Variants in TRAF7 observed in about 807,000 individuals in gnomAD.
TRAF7 encodes TNF receptor associated factor 7, also known as E3 ubiquitin-protein ligase TRAF7.
Under a neutral mutation model 89.3 loss-of-function variants are expected in TRAF7, and 45 were observed. The ratio of observed to expected loss-of-function variants is 0.50; its 90% confidence interval spans 0.40 to 0.65. TRAF7 has a LOEUF of 0.65. Among genes scored for constraint, TRAF7 ranks in the 30% least tolerant of loss-of-function variants. The probability of loss-of-function intolerance (pLI) is 0.00; values close to 1 mark genes in which losing one functional copy is unlikely to be tolerated. For synonymous variants in TRAF7, 406 were observed against 369.2 expected (o/e 1.10, Z -1.14); for missense variants, 677 against 918.1 (o/e 0.74, Z 3.39).
chr16:2,164,139 GGTGTGTGTGTGTGT>G (rs376580813), intron 2 of TRAF7, 138 bp downstream of exon 2: 2 of 542,296 alleles, frequency 3.7e-6, no homozygotes, highest in Non-Finnish European at 6.3e-6. Flanking sequence ...GGGGGGGTGT[GGTGTGTGTGTGTGT>G]GTGTGTGCGC....
At chr16:2,156,770 G>A (rs953798338) in intron 1 of TRAF7, among the ~76,000 whole-genome samples, 2 of 152,166 alleles carry the variant, frequency 1.3e-5, no homozygotes, top group Non-Finnish European at 2.9e-5. Flanking sequence ...AAATGACTTG[G>A]GGTTGAGGAA....
rs1567246878 is a variant in TRAF7 at position 2,163,937 on chromosome 16, G to C, written c.17G>C (p.Ser6Thr). The change falls in exon 2 of 21, where the codon AGT becomes ACT. Residue 6 changes from serine to threonine, a missense_variant. By Grantham distance (58) the Ser-to-Thr change is moderately conservative. Coordinates refer to ENST00000326181, the MANE Select transcript of TRAF7 (RefSeq NM_032271.3). This position sits in a 1 kb window ranked among gnomAD's most constrained non-coding sequence, Gnocchi z 4.3. ...CTCTAGAGCATGAGCTCAGGCAAGA[G>C]TGCCCGCTACAACCGCTTCTCCGGG... MSSGKSARYNRFSGGP... is the reference protein window; with the variant it reads MSSGKTARYNRFSGGP... 2 of 1,612,676 alleles carry C rather than the reference G, an allele frequency of 1.2e-6. No individual in the cohort carries two copies. The highest frequency in any genetic ancestry group is 1.7e-5 in the Admixed American group (1 of 59,930).
chr16:2,163,682 T>C lies in TRAF7; in HGVS notation c.-38-201T>C, dbSNP rs1394138723. The C allele has an allele frequency of 2.1e-5, 12 of 566,386 alleles. No homozygotes were observed. Among genetic ancestry groups the C allele is most frequent in the Non-Finnish European group, 3.2e-6 (1 of 315,624 alleles). The allele number at this position is 566,386 out of a possible 1,614,324, so 35.1% of individuals were successfully genotyped here. On this transcript the variant is annotated intron_variant, in intron 1 of 20. Transcript: ENST00000326181. This position sits in a 1 kb window ranked among gnomAD's most constrained non-coding sequence, Gnocchi z 4.3. ...GGACGGTGACGCAGAGCCGCCTGCC[T>C]GCCCGGGCCTCTGCATACCTGGGAT... is the stretch of plus-strand genomic sequence containing the variant.
At chr16:2,175,029 G>T in intron 14 of TRAF7, 82 bp from the exon 15 acceptor site, 3 of 1,566,540 alleles carry the variant, frequency 1.9e-6, no homozygotes, top group Non-Finnish European at 2.6e-6. Flanking sequence ...CTGATGGCTG[G>T]CATGGACCTC....
chr16:2,163,628 T>C lies in TRAF7; in HGVS notation c.-38-255T>C, dbSNP rs1252106618. 1 of 452,524 alleles carries C rather than the reference T, an allele frequency of 2.2e-6. No homozygotes were observed. Among genetic ancestry groups the C allele is most frequent in the Non-Finnish European group, 4.1e-6 (1 of 245,280 alleles). The allele number at this position is 452,524 out of a possible 1,614,324, so 28.0% of individuals were successfully genotyped here. A position where few individuals can be genotyped will look rare whatever the true frequency, so the allele number is the denominator to read the frequency against. On this transcript the variant is annotated intron_variant, in intron 1 of 20. Coordinates refer to ENST00000326181, the MANE Select transcript of TRAF7 (RefSeq NM_032271.3). This position sits in a 1 kb window ranked among gnomAD's most constrained non-coding sequence, Gnocchi z 4.3. ...CTCGGGGAAGAGCTGGATGGGCTCT[T>C]CGGGAGCTCAGAAAGGCTAAGCCTT... is the stretch of plus-strand genomic sequence containing the variant.
chr16:2,172,523 C>A lies in TRAF7; in HGVS notation c.718C>A (p.Pro240Thr). The A allele has an allele frequency of 6.3e-7, 1 of 1,595,240 alleles. No individual in the cohort carries two copies. Among genetic ancestry groups the A allele is most frequent in the Non-Finnish European group, 8.5e-7 (1 of 1,171,672 alleles). ...PVRCPNNPSC[P>T]PLLRMNLEAH... ...GCGGTGTCCCAACAACCCCAGCTGCCCCCCGCTGCTCAGGATGAACCTGGA... is the reference window on the plus strand; with the variant it reads ...GCGGTGTCCCAACAACCCCAGCTGCACCCCGCTGCTCAGGATGAACCTGGA... Residue 240 changes from proline to threonine, a missense_variant, in exon 9 of 21, where the codon CCC becomes ACC. Pro to Thr is a conservative substitution (Grantham distance 38, BLOSUM62 -1). Around this residue, in one of 6 missense-constraint regions of TRAF7, gnomAD observed 238 missense variants for 352.6 expected, o/e 0.67. Transcript: ENST00000326181.
At position 2,155,795 on chromosome 16, in the gene TRAF7, G is replaced by C. The variant is rs1372516720; in HGVS notation, c.-102G>C. On this transcript the variant is annotated 5_prime_UTR_variant, in exon 1 of 21. Coordinates refer to ENST00000326181, the MANE Select transcript of TRAF7 (RefSeq NM_032271.3). ...CGCGCGTCTAGTCCCTTTCCCGGCC[G>C]GCGGCCGAGGGGGCATCATGAAGCG... 1 of 151,718 alleles carries C rather than the reference G, an allele frequency of 6.6e-6. No individual in the cohort carries two copies. The highest frequency in any genetic ancestry group is 2.4e-5 in the African/African-American group (1 of 41,360). 9.4% of individuals were successfully genotyped at this position (151,718 alleles called of 1,614,324 possible).
rs1413062702 is a variant in TRAF7 at position 2,161,473 on chromosome 16, G to A, written c.-38-2410G>A. ...GAGCAACAGGCACTGAGGCCAGCCC[G>A]ACCCATCCCAGGGGAGTGCCTGCTG... On this transcript the variant is annotated intron_variant, in intron 1 of 20. Transcript: ENST00000326181. The surrounding 1 kb of genome is among the most constrained non-coding windows in gnomAD (Gnocchi z 5.2). Among the ~76,000 whole-genome samples, 1 of 152,142 alleles carries A rather than the reference G, an allele frequency of 6.6e-6. No homozygotes were observed. Among genetic ancestry groups the A allele is most frequent in the Admixed American group, 6.5e-5 (1 of 15,278 alleles).
Position 2,163,876 on chromosome 16 carries a change from C to G in TRAF7, c.-38-7C>G, listed in dbSNP as rs377662973. ...TCTCAAGCCCCTCATTTGTGCTCCA[C>G]CCACAGGAGGTGCTTCCCAAGGACC... On this transcript the variant is annotated splice_polypyrimidine_tract_variant and splice_region_variant and intron_variant, in intron 1 of 20. Transcript: ENST00000326181. This position sits in a 1 kb window ranked among gnomAD's most constrained non-coding sequence, Gnocchi z 4.3. The G allele has an allele frequency of 6.4e-7, 1 of 1,562,980 alleles. No homozygotes were observed. Among genetic ancestry groups the G allele is most frequent in the Admixed American group, 1.7e-5 (1 of 57,874 alleles).
At chr16:2,166,960 C>A (rs115528826) in intron 3 of TRAF7, among the ~76,000 whole-genome samples, 6 of 152,036 alleles carry the variant, frequency 3.9e-5, no homozygotes, top group Admixed American at 3.9e-4. Flanking sequence ...TAGAAGCACA[C>A]TGGCTGCTAA....
rs1437225832 is a variant in TRAF7, at chr16:2,177,906, G to T, written c.*1332G>T. 2 of 330,434 alleles carry T rather than the reference G, an allele frequency of 6.1e-6. No homozygotes were observed. Among genetic ancestry groups the T allele is most frequent in the East Asian group, 1.2e-4 (2 of 17,078 alleles). 20.5% of individuals were successfully genotyped at this position (330,434 alleles called of 1,614,324 possible). On this transcript the variant is annotated 3_prime_UTR_variant, in exon 21 of 21. Coordinates refer to ENST00000326181, the MANE Select transcript of TRAF7 (RefSeq NM_032271.3). ...CCTTCCACCTGTGCTAGCAGCCTGG[G>T]GCCTCCACTCTGGCCGGAGGAAGGA...
intron 9 of TRAF7, 35 bp downstream of exon 9, chr16:2,172,634 G>A: frequency 6.8e-7 from 1 of 1,471,750 alleles, no homozygotes; most frequent in Non-Finnish European, 9.3e-7. Flanking sequence ...GGCCGGGGTG[G>A]GCGCAGGCCC....
rs2093059614 is a variant in TRAF7, at chr16:2,161,877, C to T, written c.-38-2006C>T. Among the ~76,000 whole-genome samples, 1 of 152,182 alleles carries T rather than the reference C, an allele frequency of 6.6e-6. No individual in the cohort carries two copies. Among genetic ancestry groups the T allele is most frequent in the Non-Finnish European group, 1.5e-5 (1 of 68,026 alleles). On this transcript the variant is annotated intron_variant, in intron 1 of 20. Transcript: ENST00000326181. The surrounding 1 kb of genome is among the most constrained non-coding windows in gnomAD (Gnocchi z 5.2). The stretch of plus-strand genomic sequence containing the variant: ...AGGGCAGAGCAGCCTTGTAGACACA[C>T]CACGACCACACCTCTGTCCCAGGGC...
At position 2,174,261 on chromosome 16, in the gene TRAF7, C is replaced by T. The variant is rs1259584371; in HGVS notation, c.1274C>T (p.Thr425Ile). 3.7e-6 allele frequency: 6 copies of T among 1,613,014 alleles called. No homozygotes were observed. Among genetic ancestry groups the T allele is most frequent in the Admixed American group, 1.7e-5 (1 of 60,018 alleles). ...CCCTGGTCTCTGCAGGTGTGGGACACATGTACCACCTACAAGTGTCAGAAG... is the reference window on the plus strand; with the variant it reads ...CCCTGGTCTCTGCAGGTGTGGGACATATGTACCACCTACAAGTGTCAGAAG... The part of the protein sequence containing the change: ...SSDKTIKVWD[T>I]CTTYKCQKTL... Residue 425 changes from threonine (T) to isoleucine (I), a missense_variant, in exon 14 of 21, where the codon ACA (threonine) becomes ATA (isoleucine). Thr to Ile is a moderately conservative substitution (Grantham distance 89). This residue lies in a region of TRAF7 where 15 missense variants were observed against 61.5 expected (regional missense o/e 0.24). Coordinates refer to ENST00000326181, the MANE Select transcript of TRAF7 (RefSeq NM_032271.3).
Position 2,160,434 on chromosome 16 carries a change from GGGCAGGTGGTGTGGACA to G in TRAF7, c.-38-3442_-38-3426del, listed in dbSNP as rs1233587867. The stretch of plus-strand genomic sequence containing the variant: ...GTGTGGACGGGCAGGTGGTGTGGAC[GGGCAGGTGGTGTGGACA>G]GGCAGGCGGTGTGGATGGGCGGGCG... On this transcript the variant is annotated intron_variant, in intron 1 of 20. Coordinates refer to ENST00000326181, the MANE Select transcript of TRAF7 (RefSeq NM_032271.3). 2.9e-3 allele frequency among the ~76,000 whole-genome samples: 437 copies of G among 150,428 alleles called. 2 individuals are homozygous for G. The highest frequency in any genetic ancestry group is 9.8e-3 in the African/African-American group (401 of 40,738).
Position 2,177,400 on chromosome 16 carries a change from C to A in TRAF7, c.*826C>A. On this transcript the variant is annotated 3_prime_UTR_variant, in exon 21 of 21. Transcript: ENST00000326181. ...GCCTCCACCCGCCCCACACCACAAT[C>A]GCTGGTTTTCGGCATTTTTTAAATT... 1 of 233,418 alleles carries A rather than the reference C, an allele frequency of 4.3e-6. No individual in the cohort carries two copies. Among genetic ancestry groups the A allele is most frequent in the Non-Finnish European group, 8.5e-6 (1 of 118,096 alleles). The allele number at this position is 233,418 out of a possible 1,614,324, so 14.5% of individuals were successfully genotyped here. A position where few individuals can be genotyped will look rare whatever the true frequency, so the allele number is the denominator to read the frequency against.
intron 20 of TRAF7, 21 bp downstream of exon 20, chr16:2,176,405 C>T: frequency 6.2e-7 from 1 of 1,610,832 alleles, no homozygotes; most frequent in Non-Finnish European, 8.5e-7. Flanking sequence ...GTGGCTCAGG[C>T]CATTCAAAGG....
At position 2,163,644 on chromosome 16, in the gene TRAF7, G is replaced by C; in HGVS notation, c.-38-239G>C. 1 of 502,000 alleles carries C rather than the reference G, an allele frequency of 2.0e-6. No individual in the cohort carries two copies. Among genetic ancestry groups the C allele is most frequent in the South Asian group, 2.1e-5 (1 of 48,762 alleles). The allele number at this position is 502,000 out of a possible 1,614,324, so 31.1% of individuals were successfully genotyped here. On this transcript the variant is annotated intron_variant, in intron 1 of 20. Coordinates refer to ENST00000326181, the MANE Select transcript of TRAF7 (RefSeq NM_032271.3). This position sits in a 1 kb window ranked among gnomAD's most constrained non-coding sequence, Gnocchi z 4.3. Reference sequence around the variant, plus strand: ...ATGGGCTCTTCGGGAGCTCAGAAAGGCTAAGCCTTGAGGGACGGTGACGCA... The same window carrying C: ...ATGGGCTCTTCGGGAGCTCAGAAAGCCTAAGCCTTGAGGGACGGTGACGCA...
At chr16:2,164,032 T>A in intron 2 of TRAF7, 31 bp downstream of exon 2, 1 of 1,575,044 alleles carries the variant, frequency 6.3e-7, no homozygotes, top group Non-Finnish European at 8.7e-7. Context: ...AAGCCCAACA[T>A]CCCCAGGACC....
Sources: gnomAD v4.1 joint callset for allele counts (sites outside exome capture counted in the v4.1 genomes callset) on GRCh38, gnomAD v4.1.1 for gene constraint, gnomAD v4.1.1 regional missense constraint, Gnocchi (gnomAD v3.1) non-coding constraint, MANE v1.5 for transcripts, NCBI Gene and HGNC (gene_info 2026-07-23, HGNC 2026-07-21) for gene names.